Variants in AVEN observed in about 807,000 individuals in gnomAD.
AVEN encodes the protein apoptosis and caspase activation inhibitor.
In AVEN, 41 loss-of-function variants were observed where a neutral mutation model predicts 38.1. That is an observed-to-expected ratio of 1.08 (90% CI 0.84 to 1.40). The LOEUF is 1.40. AVEN is among the 40% of genes most tolerant of loss of function. AVEN has a pLI of 0.00. For missense variants in AVEN, 605 were observed against 438.8 expected, an observed-to-expected ratio of 1.38 and a Z score of -3.38; for synonymous variants, 206 against 171.8, an observed-to-expected ratio of 1.20 and a Z score of -1.56.
intron 2 of AVEN, among the ~76,000 whole-genome samples, chr15:33,922,758 T>G (rs552204015): frequency 3.9e-5 from 6 of 152,264 alleles, no homozygotes; most frequent in African/African-American, 9.6e-5. Flanking sequence ...AACCTAATTC[T>G]CTATATTATC....
At chr15:34,009,775 G>T (rs1897558324) in intron 1 of AVEN, among the ~76,000 whole-genome samples, 1 of 152,108 alleles carries the variant, frequency 6.6e-6, no homozygotes, top group Non-Finnish European at 1.5e-5. Flanking sequence ...GGTCGCTTGA[G>T]GCCAGGAGTT....
intron 11 of AVEN, chr15:33,861,106 A>T (rs1409081133): frequency 3.1e-6 from 5 of 1,595,948 alleles, no homozygotes; most frequent in Non-Finnish European, 4.3e-6. Context: ...GGGATTGGCA[A>T]TGACTACTTT....
At chr15:33,930,451 C>T (rs1167230629) in intron 2 of AVEN, among the ~76,000 whole-genome samples, 1 of 151,872 alleles carries the variant, frequency 6.6e-6, no homozygotes, top group Middle Eastern at 3.2e-3. Flanking sequence ...AAACATGATA[C>T]AAAAGAATGT....
intron 2 of AVEN, among the ~76,000 whole-genome samples, chr15:33,959,102 A>G (rs1895072891): frequency 6.6e-6 from 1 of 152,168 alleles, no homozygotes; most frequent in Non-Finnish European, 1.5e-5. Context: ...TCTCACGTCT[A>G]AAATTCCATC....
intron 2 of AVEN, among the ~76,000 whole-genome samples, chr15:33,976,549 G>T (rs775253749): frequency 4.6e-5 from 7 of 152,108 alleles, no homozygotes; most frequent in Non-Finnish European, 1.0e-4. Flanking sequence ...AACTCCAGTA[G>T]ACAACACACT....
downstream of AVEN, among the ~76,000 whole-genome samples, chr15:33,853,854 A>C (rs2079359770): frequency 6.6e-6 from 1 of 152,138 alleles, no homozygotes; most frequent in African/African-American, 2.4e-5. Context: ...TTGAAGACTA[A>C]TACATTTTTA....
At chr15:33,891,987 T>C (rs1175966514) in intron 2 of AVEN, among the ~76,000 whole-genome samples, 1 of 152,262 alleles carries the variant, frequency 6.6e-6, no homozygotes, top group Non-Finnish European at 1.5e-5. Flanking sequence ...CCAGTGATGA[T>C]GAGCATTTTT....
chr15:33,860,544 T>A, intron 11 of AVEN: 1 of 1,091,084 alleles, frequency 9.2e-7, no homozygotes, highest in Non-Finnish European at 1.3e-6. Flanking sequence ...ATCATTCCTC[T>A]ACCCCTGAAC....
At chr15:33,911,682 C>T (rs1215419861) in intron 2 of AVEN, among the ~76,000 whole-genome samples, 1 of 152,000 alleles carries the variant, frequency 6.6e-6, no homozygotes, top group African/African-American at 2.4e-5. Context: ...ATACAGAGCT[C>T]TAAACATAAA....
chr15:34,024,654 C>T lies in AVEN; in HGVS notation c.267+14126G>A, dbSNP rs186642719. Among the ~76,000 whole-genome samples the T allele has an allele frequency of 7.5e-3, 1,106 of 147,630 alleles. 19 individuals are homozygous for T. The highest frequency in any genetic ancestry group is 0.027 in the African/African-American group (1,065 of 39,872). On this transcript the variant is annotated intron_variant, in intron 1 of 5. Transcript: ENST00000306730. Reference sequence around the variant, plus strand: ...GATCATGAGGTCAGGAGTTCGAGACCAGCCTGACCAACATGGTGAAACCCC... The same window carrying T: ...GATCATGAGGTCAGGAGTTCGAGACTAGCCTGACCAACATGGTGAAACCCC...
chr15:34,073,973 CTTT>C (rs200288533), intron 1 of AVEN, among the ~76,000 whole-genome samples: 36 of 102,886 alleles, frequency 3.5e-4, no homozygotes, highest in Middle Eastern at 5.4e-3. Flanking sequence ...GAGGAACTTT[CTTT>C]TTTCTTCTTC....
At chr15:33,993,951 T>G (rs1017294654) in intron 2 of AVEN, among the ~76,000 whole-genome samples, 10 of 152,258 alleles carry the variant, frequency 6.6e-5, no homozygotes, top group Admixed American at 2.0e-4. Context: ...CTTATTTAAG[T>G]ATTCATTCCA....
At chr15:33,950,983 G>A (rs1430970118) in intron 2 of AVEN, among the ~76,000 whole-genome samples, 1 of 151,940 alleles carries the variant, frequency 6.6e-6, no homozygotes, top group East Asian at 1.9e-4. Context: ...ACTGCAGCCT[G>A]GGCAATAGAG....
intron 1 of AVEN, 98 bp from the exon 2 acceptor site, chr15:34,003,307 A>G (rs1897212396): frequency 1.0e-6 from 1 of 971,168 alleles, no homozygotes; most frequent in African/African-American, 1.7e-5. Flanking sequence ...ATAACAATAA[A>G]AAGCAATAGA....
chr15:34,022,369 G>A (rs970023660), intron 1 of AVEN, among the ~76,000 whole-genome samples: 1 of 152,114 alleles, frequency 6.6e-6, no homozygotes, highest in Non-Finnish European at 1.5e-5. Flanking sequence ...TTTCAATTGT[G>A]ACCTTTAGGA....
chr15:33,929,184 C>T (rs554131278), intron 2 of AVEN, among the ~76,000 whole-genome samples: 8 of 152,214 alleles, frequency 5.3e-5, no homozygotes, highest in South Asian at 2.1e-4. Flanking sequence ...ATAAAATGTA[C>T]GTGTTTTATC....
intron 1 of AVEN, chr15:34,018,549 T>A (rs2684958): frequency 0.62 from 94,509 of 151,516 alleles, 34,427 homozygotes; most frequent in Non-Finnish European, 0.82. Context: ...ACTTCAGGAA[T>A]GAAGCCGCAG....
chr15:34,015,892 A>G (rs1897881840), intron 1 of AVEN, among the ~76,000 whole-genome samples: 1 of 152,234 alleles, frequency 6.6e-6, no homozygotes, highest in Non-Finnish European at 1.5e-5. Flanking sequence ...CAACAATTGG[A>G]GACAGTACAT....
downstream of AVEN, chr15:33,857,878 T>A: frequency 1.2e-6 from 2 of 1,614,220 alleles, no homozygotes; most frequent in Non-Finnish European, 1.7e-6. Flanking sequence ...GCGAAGACGA[T>A]GACGAGCCCG....
Sources: allele counts gnomAD v4.1 joint callset (sites outside exome capture counted in the v4.1 genomes callset), GRCh38; gene constraint gnomAD v4.1.1; transcripts MANE v1.5; gene names NCBI Gene and HGNC (gene_info 2026-07-23, HGNC 2026-07-21).